The following RGS22 variants were observed in gnomAD, a reference collection of about 807,000 sequenced individuals.
The protein encoded by RGS22 is regulator of G protein signaling 22, also known as regulator of G-protein signaling 22.
RGS22 carries 148 observed loss-of-function variants against 172.9 expected under a neutral mutation model. The observed-to-expected ratio is 0.86, with a 90% confidence interval of 0.75 to 0.98. The LOEUF (loss-of-function observed/expected upper bound fraction) is 0.98. Ranked by LOEUF, RGS22 falls within the 50% of genes least tolerant of loss-of-function variation. RGS22 has a pLI of 0.00. For synonymous variants in RGS22, 458 were observed against 480.2 expected (o/e 0.95, Z 0.60); for missense variants, 1,347 against 1,440.8 (o/e 0.93, Z 1.05).
chr8:99,963,386 C>T (rs189863438), intron 24 of RGS22, among the ~76,000 whole-genome samples: 7 of 152,198 alleles, frequency 4.6e-5, no homozygotes, highest in African/African-American at 1.7e-4. Context: ...GCTATTCAGT[C>T]ATCTTTATAT....
intron 18 of RGS22, among the ~76,000 whole-genome samples, chr8:100,001,202 T>TATA (rs1554611096): frequency 2.4e-3 from 298 of 124,774 alleles, no homozygotes; most frequent in African/African-American, 5.0e-3. Context: ...TCCCAATTTT[T>TATA]TATATATATA....
Position 100,066,186 on chromosome 8 carries a change from T to C in RGS22, c.705A>G (p.Pro235=), listed in dbSNP as rs202154112. 6.2e-7 allele frequency: 1 copy of C among 1,612,714 alleles called. No homozygotes were observed. Among genetic ancestry groups the C allele is most frequent in the Non-Finnish European group, 8.5e-7 (1 of 1,179,282 alleles). The change falls in exon 7 of 28, where the codon CCA becomes CCG. Residue 235 remains proline, a synonymous_variant. Coordinates refer to ENST00000360863, the MANE Select transcript of RGS22 (RefSeq NM_015668.5). ...CCVPYNKLKS[P]AISSVSENFI... ...GCTTACCAGAAACAGATGAAATAGC[T>C]GGTGATTTAAGTTTGTTGTAGGGTA...
rs1481440966 is a variant in RGS22 at position 100,038,330 on chromosome 8, T to A, written c.2166+601A>T. ...ACAGAGAATCCTCTGTTCTTCCCCC[T>A]CTATTTTTTTTTTTCTTTCCTCCTC... On this transcript the variant is annotated intron_variant, in intron 14 of 27. Coordinates refer to ENST00000360863, the MANE Select transcript of RGS22 (RefSeq NM_015668.5). Among the ~76,000 whole-genome samples the A allele has an allele frequency of 3.3e-5, 3 of 91,850 alleles. 1 individual carries two copies. The Admixed American group carries it at 3.6e-4, about 11-fold the overall frequency. 60.3% of individuals were successfully genotyped at this position (91,850 alleles called of 152,430 possible).
Position 100,052,596 on chromosome 8 carries a change from G to A in RGS22, c.1689+206C>T, listed in dbSNP as rs767939789. Among the ~76,000 whole-genome samples, 42 of 152,126 alleles carry A rather than the reference G, an allele frequency of 2.8e-4. 1 individual carries two copies. The highest frequency in any genetic ancestry group is 3.8e-4 in the Non-Finnish European group (26 of 67,988). The stretch of plus-strand genomic sequence containing the variant: ...ATTACAGGCATGAGCCACCGCGCCC[G>A]GCCATGATTGTATATTTTTAAAGGC... On this transcript the variant is annotated intron_variant, in intron 10 of 27. Coordinates refer to ENST00000360863, the MANE Select transcript of RGS22 (RefSeq NM_015668.5).
At position 100,063,874 on chromosome 8, in the gene RGS22, T is replaced by C; in HGVS notation, c.894A>G (p.Lys298=). The part of the protein sequence containing the change: ...QALLRVYLEK[K]QDVDESLTMH... Reference sequence around the variant, plus strand: ...TTGTCAGGCTTTCATCAACATCCTGTTTCTTTTCAAGGTATACTCTCAGAA... The same window carrying C: ...TTGTCAGGCTTTCATCAACATCCTGCTTCTTTTCAAGGTATACTCTCAGAA... Residue 298 remains lysine, a synonymous_variant, in exon 8 of 28, where the codon AAA becomes AAG. Transcript: ENST00000360863. 6.2e-7 allele frequency: 1 copy of C among 1,611,810 alleles called. No individual in the cohort carries two copies. The highest frequency in any genetic ancestry group is 2.2e-5 in the East Asian group (1 of 44,820).
intron 6 of RGS22, among the ~76,000 whole-genome samples, chr8:100,067,621 A>ATT (rs5893506): frequency 5.3e-4 from 66 of 124,460 alleles, no homozygotes; most frequent in Non-Finnish European, 6.6e-4. Context: ...CACTTTATAC[A>ATT]TTTTTTTTTT....
chr8:100,021,146 C>G (rs188252007), intron 14 of RGS22, among the ~76,000 whole-genome samples: 25 of 152,332 alleles, frequency 1.6e-4, no homozygotes, highest in Admixed American at 1.2e-3. Flanking sequence ...ATGACACCAG[C>G]TACTTCAAAT....
intron 15 of RGS22, among the ~76,000 whole-genome samples, chr8:100,007,567 T>C (rs977259905): frequency 2.6e-5 from 4 of 152,126 alleles, no homozygotes; most frequent in East Asian, 3.8e-4. Flanking sequence ...ATGTTTTCCA[T>C]AGGTGTAATA....
intron 3 of RGS22, among the ~76,000 whole-genome samples, chr8:100,083,275 C>A (rs1421228364): frequency 6.6e-6 from 1 of 152,142 alleles, no homozygotes; most frequent in African/African-American, 2.4e-5. Flanking sequence ...ACATCGCGAC[C>A]AGGTTTTATG....
At chr8:100,074,347 A>G (rs1033312087) in intron 4 of RGS22, among the ~76,000 whole-genome samples, 1 of 152,236 alleles carries the variant, frequency 6.6e-6, no homozygotes, top group Non-Finnish European at 1.5e-5. Flanking sequence ...ACAAATGCAT[A>G]TAATCATGTA....
At chr8:100,086,745 C>T (rs1440277972) in intron 3 of RGS22, among the ~76,000 whole-genome samples, 5 of 152,084 alleles carry the variant, frequency 3.3e-5, no homozygotes, top group Admixed American at 1.3e-4. Context: ...AGCAACTTAT[C>T]GGTCCCCTCC....
intron 14 of RGS22, among the ~76,000 whole-genome samples, chr8:100,022,008 G>T (rs977547239): frequency 6.6e-6 from 1 of 151,972 alleles, no homozygotes; most frequent in African/African-American, 2.4e-5. Context: ...TTCTGCAAAA[G>T]GAGGAAAAAA....
At chr8:99,994,003 A>C (rs1338955142) in intron 20 of RGS22, among the ~76,000 whole-genome samples, 1 of 152,216 alleles carries the variant, frequency 6.6e-6, no homozygotes, top group African/African-American at 2.4e-5. Context: ...AAACAGAAAC[A>C]ATCACAAAAA....
chr8:99,994,025 T>G (rs1450954732), intron 20 of RGS22, among the ~76,000 whole-genome samples: 1 of 152,162 alleles, frequency 6.6e-6, no homozygotes, highest in Non-Finnish European at 1.5e-5. Context: ...CAGATGATTA[T>G]CTCAATAGAT....
intron 15 of RGS22, among the ~76,000 whole-genome samples, chr8:100,007,244 T>C (rs1466911162): frequency 6.6e-6 from 1 of 152,172 alleles, no homozygotes; most frequent in African/African-American, 2.4e-5. Flanking sequence ...AGAATAACAA[T>C]GCAAAGGCAG....
intron 2 of RGS22, among the ~76,000 whole-genome samples, chr8:100,105,015 G>A (rs569049488): frequency 3.9e-5 from 6 of 152,216 alleles, no homozygotes; most frequent in African/African-American, 7.2e-5. Flanking sequence ...ATCCATCAAC[G>A]CCATTTACTT....
chr8:100,044,642 T>C (rs1218890426), intron 11 of RGS22, among the ~76,000 whole-genome samples: 1 of 151,276 alleles, frequency 6.6e-6, no homozygotes, highest in African/African-American at 2.4e-5. Context: ...TTTTTTTTTT[T>C]CGGATTATCT....
chr8:100,089,211 AACACAC>A (rs58302018), intron 3 of RGS22, among the ~76,000 whole-genome samples: 8 of 144,538 alleles, frequency 5.5e-5, no homozygotes, highest in South Asian at 2.2e-4. Flanking sequence ...CACACACACA[AACACAC>A]ACACACACAC....
At chr8:99,986,766 G>C (rs1813140853) in intron 21 of RGS22, among the ~76,000 whole-genome samples, 2 of 151,536 alleles carry the variant, frequency 1.3e-5, no homozygotes, top group Admixed American at 1.3e-4. Flanking sequence ...CTTCTCTGTT[G>C]GTTTATTTAT....
Sources: allele counts gnomAD v4.1 joint callset (sites outside exome capture counted in the v4.1 genomes callset), GRCh38; gene constraint gnomAD v4.1.1; transcripts MANE v1.5; gene names NCBI Gene and HGNC (gene_info 2026-07-23, HGNC 2026-07-21).